C11orf65: variants seen among roughly 807,000 people sequenced by gnomAD.
C11orf65 encodes the protein chromosome 11 open reading frame 65.
Under a neutral mutation model 35.3 loss-of-function variants are expected in C11orf65, and 38 were observed. That is an observed-to-expected ratio of 1.08 (90% confidence interval 0.83 to 1.41). The LOEUF is 1.41. C11orf65 is among the 40% of genes most tolerant of loss of function. C11orf65 has a pLI of 0.00. For synonymous variants in C11orf65, 105 were observed against 114.4 expected, an observed-to-expected ratio of 0.92 and a Z score of 0.53; for missense variants, 370 against 367.1, an observed-to-expected ratio of 1.01 and a Z score of -0.06.
intron 2 of C11orf65, among the ~76,000 whole-genome samples, chr11:108,452,880 C>G (rs2093366652): frequency 1.3e-5 from 2 of 151,766 alleles, no homozygotes; most frequent in Non-Finnish European, 2.9e-5. Context: ...AACCATCATT[C>G]TGAGCAAACT....
At chr11:108,380,226 T>C (rs1228868934), downstream of C11orf65, among the ~76,000 whole-genome samples, 3 of 152,194 alleles carry the variant, frequency 2.0e-5, no homozygotes, top group Admixed American at 2.0e-4. Context: ...CACTTAGGTA[T>C]AGCCCTAAAG....
At chr11:108,465,994 AAAAC>A (rs201658116) in intron 1 of C11orf65, among the ~76,000 whole-genome samples, 27,319 of 147,558 alleles carry the variant, frequency 0.19, 2,926 homozygotes, top group African/African-American at 0.3. Context: ...AAAAAAAAAA[AAAAC>A]AACAACAACA....
chr11:108,421,039 C>A (rs1202684113), intron 3 of C11orf65, among the ~76,000 whole-genome samples: 3 of 152,226 alleles, frequency 2.0e-5, no homozygotes, highest in Non-Finnish European at 4.4e-5. Context: ...ATTTTCATCA[C>A]TCCAAAAGGA....
chr11:108,396,695 G>A (rs1014996656), intron 6 of C11orf65, among the ~76,000 whole-genome samples: 19 of 151,356 alleles, frequency 1.3e-4, no homozygotes, highest in African/African-American at 4.1e-4. Flanking sequence ...TTAGCTGGGC[G>A]TGGTGGCAGG....
At chr11:108,331,706 TTCTC>T (rs896485111) in intron 3 of C11orf65, 77 of 1,318,170 alleles carry the variant, frequency 5.8e-5, no homozygotes, top group Admixed American at 4.8e-4. Flanking sequence ...GTTACTCATT[TTCTC>T]TCTCTAATTC....
At chr11:108,401,815 C>T (rs956562325) in intron 6 of C11orf65, among the ~76,000 whole-genome samples, 2 of 152,192 alleles carry the variant, frequency 1.3e-5, no homozygotes, top group Non-Finnish European at 2.9e-5. Flanking sequence ...CAGAGAAGTT[C>T]CAGCATTTTG....
intron 7 of C11orf65, among the ~76,000 whole-genome samples, chr11:108,391,254 T>G (rs552922730): frequency 6.6e-6 from 1 of 152,380 alleles, no homozygotes; most frequent in East Asian, 1.9e-4. Context: ...GAGTAAATAT[T>G]GAACATTTTA....
intron 2 of C11orf65, among the ~76,000 whole-genome samples, chr11:108,439,127 T>A (rs901368723): frequency 6.6e-5 from 10 of 152,132 alleles, no homozygotes; most frequent in African/African-American, 2.4e-4. Flanking sequence ...AACTGCTACA[T>A]CTCAACAACA....
intron 3 of C11orf65, among the ~76,000 whole-genome samples, chr11:108,417,046 T>C (rs1038913867): frequency 8.5e-5 from 13 of 152,104 alleles, no homozygotes; most frequent in African/African-American, 2.9e-4. Context: ...TGATAATATA[T>C]AGAGAAAAAT....
chr11:108,340,459 G>A (rs1013753606), intron 2 of C11orf65: 1 of 152,054 alleles, frequency 6.6e-6, no homozygotes, highest in Non-Finnish European at 1.5e-5. Flanking sequence ...ACCAAGTAAT[G>A]GGAGTCATTT....
intron 2 of C11orf65, chr11:108,365,624 G>GT: frequency 7.6e-7 from 1 of 1,309,952 alleles, no homozygotes; most frequent in Non-Finnish European, 1.0e-6. Context: ...ACTATTGTGG[G>GT]TTTTTTTGAA....
At position 108,446,731 on chromosome 11, in the gene C11orf65, G is replaced by A. The variant is rs565883968; in HGVS notation, c.81+14748C>T. On this transcript the variant is annotated intron_variant, in intron 2 of 8. Coordinates refer to ENST00000393084, the MANE Select transcript of C11orf65 (RefSeq NM_152587.5). ...AGGAAGAAACTGCATCAACTAACGA[G>A]CAAAATAACCAGCTAACATCATAAT... is the stretch of plus-strand genomic sequence containing the variant. Among the ~76,000 whole-genome samples the A allele has an allele frequency of 3.3e-5, 5 of 152,202 alleles. No homozygotes were observed. The East Asian group carries it at 5.8e-4, about 18-fold the overall frequency.
downstream of C11orf65, among the ~76,000 whole-genome samples, chr11:108,382,032 C>G (rs1017652949): frequency 6.6e-6 from 1 of 152,130 alleles, no homozygotes; most frequent in African/African-American, 2.4e-5. Context: ...GGAATTGAGG[C>G]CTCCTGCCAA....
At chr11:108,426,508 C>A (rs551205907) in intron 3 of C11orf65, among the ~76,000 whole-genome samples, 5 of 152,122 alleles carry the variant, frequency 3.3e-5, no homozygotes, top group African/African-American at 9.7e-5. Flanking sequence ...AGGACACAAA[C>A]AAATGGAAAA....
chr11:108,333,871 C>A lies in C11orf65; in HGVS notation c.299+1349G>T, dbSNP rs2136609522. 1 of 1,582,318 alleles carries A rather than the reference C, an allele frequency of 6.3e-7. No individual in the cohort carries two copies. The highest frequency in any genetic ancestry group is 8.7e-7 in the Non-Finnish European group (1 of 1,151,144). On this transcript the variant is annotated intron_variant, in intron 3 of 3. Coordinates refer to the C11orf65 transcript ENST00000524755. ...CCTCAGTTTGTCACTAAAATCTCTT[C>A]ATTTTTAAATACAGAAGGCATAAAT...
At chr11:108,383,369 C>A (rs527549183) in intron 8 of C11orf65, among the ~76,000 whole-genome samples, 194 bp from the exon 9 acceptor site, 8 of 152,326 alleles carry the variant, frequency 5.3e-5, no homozygotes, top group Admixed American at 3.3e-4. Context: ...TCCATCCCTA[C>A]AAAAGGCTCT....
intron 1 of C11orf65, 43 bp from the exon 2 acceptor site, chr11:108,461,611 A>G: frequency 8.3e-7 from 1 of 1,206,492 alleles, no homozygotes; most frequent in South Asian, 1.4e-5. Flanking sequence ...AAATAATTTT[A>G]ATTTACTTTC....
chr11:108,403,308 T>G (rs556818189), intron 6 of C11orf65, among the ~76,000 whole-genome samples: 2 of 152,236 alleles, frequency 1.3e-5, no homozygotes, highest in South Asian at 4.1e-4. Context: ...TGATTAATCA[T>G]AGTCACTGGT....
At chr11:108,454,568 G>A (rs188773928) in intron 2 of C11orf65, among the ~76,000 whole-genome samples, 288 of 152,200 alleles carry the variant, frequency 1.9e-3, no homozygotes, top group African/African-American at 6.7e-3. Flanking sequence ...AAAGTGCTGG[G>A]ATTACAGGCG....
Sources: allele counts gnomAD v4.1 joint callset (sites outside exome capture counted in the v4.1 genomes callset), GRCh38; gene constraint gnomAD v4.1.1; transcripts MANE v1.5; gene names NCBI Gene and HGNC (gene_info 2026-07-23, HGNC 2026-07-21).